NUP88: variants seen among roughly 807,000 people sequenced by gnomAD.
The protein encoded by NUP88 is nucleoporin 88.
Under a neutral mutation model 93.9 loss-of-function variants are expected in NUP88, and 57 were observed. The ratio of observed to expected loss-of-function variants is 0.61; its 90% confidence interval spans 0.49 to 0.76. NUP88 has a LOEUF of 0.76. NUP88 is among the 30% of genes least tolerant of loss of function. The pLI, the probability that NUP88 is intolerant of heterozygous loss-of-function variation, is 0.00. For missense variants in NUP88, 911 were observed against 901.0 expected, an observed-to-expected ratio of 1.01 and a Z score of -0.14; for synonymous variants, 346 against 336.8, an observed-to-expected ratio of 1.03 and a Z score of -0.30.
At chr17:5,418,334 A>C (rs1023694436) in intron 1 of NUP88, 1 of 149,954 alleles carries the variant, frequency 6.7e-6, no homozygotes, top group African/African-American at 2.5e-5. Flanking sequence ...GCTCACTGCA[A>C]CCTCCTCCTC....
At chr17:5,415,760 G>A (rs916450456) in intron 2 of NUP88, among the ~76,000 whole-genome samples, 1 of 151,982 alleles carries the variant, frequency 6.6e-6, no homozygotes, top group Non-Finnish European at 1.5e-5. Context: ...TGGGTTTATC[G>A]GGACATAACC....
At chr17:5,414,236 C>T in intron 2 of NUP88, 102 bp from the exon 3 acceptor site, 1 of 1,042,808 alleles carries the variant, frequency 9.6e-7, no homozygotes, top group Non-Finnish European at 1.4e-6. Context: ...TCTCTTGTTG[C>T]CCAGGCTGGA....
At chr17:5,390,038 G>A (rs532240451) in intron 10 of NUP88, among the ~76,000 whole-genome samples, 2 of 150,598 alleles carry the variant, frequency 1.3e-5, no homozygotes, top group South Asian at 2.1e-4. Context: ...TGTGGTGTGC[G>A]CCTGTAATCC....
chr17:5,389,089 A>C (rs1302049212), intron 10 of NUP88, 129 bp from the exon 11 acceptor site: 1 of 675,382 alleles, frequency 1.5e-6, no homozygotes, highest in Non-Finnish European at 2.3e-6. Context: ...AAGTGCAAGA[A>C]TGCATGTTTT....
intron 7 of NUP88, among the ~76,000 whole-genome samples, chr17:5,401,506 C>T (rs1394804224): frequency 6.6e-6 from 1 of 152,156 alleles, no homozygotes; most frequent in African/African-American, 2.4e-5. Flanking sequence ...TTCCTTTAAT[C>T]TAACAGTCTC....
At position 5,414,142 on chromosome 17, in the gene NUP88, A is replaced by G; in HGVS notation, c.468-8T>C. ...TCCGCAACTGGAGTGGTACTAAAAT[A>G]AAGATAATAATTTTCCAAAACATTT... is the stretch of plus-strand genomic sequence containing the variant. On this transcript the variant is annotated splice_region_variant and splice_polypyrimidine_tract_variant and intron_variant, in intron 2 of 16. Transcript: ENST00000573584. 2 of 1,609,814 alleles carry G rather than the reference A, an allele frequency of 1.2e-6. No individual in the cohort carries two copies. Among genetic ancestry groups the G allele is most frequent in the Non-Finnish European group, 1.7e-6 (2 of 1,177,858 alleles).
chr17:5,416,554 CT>C lies in NUP88; in HGVS notation c.425del (p.Lys142ArgfsTer12). On this transcript the variant is annotated frameshift_variant, in exon 2 of 17. Coordinates refer to ENST00000573584, the MANE Select transcript of NUP88 (RefSeq NM_002532.6). LOFTEE classifies it high-confidence loss of function. ...ATTTTCCACCTTCAAATTCAGAATT[CT>C]TCCCCCATCTTTTAGGTAATTCTAA... The part of the protein sequence containing the change: ...MVLELPKRWG[K>X]NSEFEGGKST... 1 of 1,611,584 alleles carries C rather than the reference CT, an allele frequency of 6.2e-7. No individual in the cohort carries two copies. The highest frequency in any genetic ancestry group is 8.5e-7 in the Non-Finnish European group (1 of 1,179,076).
At chr17:5,408,943 A>G (rs1913660679) in intron 4 of NUP88, 34 bp from the exon 5 acceptor site, 3 of 1,487,402 alleles carry the variant, frequency 2.0e-6, no homozygotes, top group African/African-American at 2.9e-5. Flanking sequence ...CTTGTTAAAA[A>G]CAAAAACAAC....
chr17:5,412,577 T>A (rs1913899265), intron 3 of NUP88, among the ~76,000 whole-genome samples: 2 of 152,094 alleles, frequency 1.3e-5, no homozygotes, highest in Non-Finnish European at 2.9e-5. Context: ...CATAGAGAAC[T>A]GACAGGAGCC....
chr17:5,414,953 CCAGACT>C (rs1220608715), intron 2 of NUP88, among the ~76,000 whole-genome samples: 1 of 150,686 alleles, frequency 6.6e-6, no homozygotes, highest in Non-Finnish European at 1.5e-5. Context: ...GGCTACAGAG[CCAGACT>C]CTGTCTCAAA....
intron 5 of NUP88, among the ~76,000 whole-genome samples, chr17:5,406,257 T>G (rs975309175): frequency 6.6e-6 from 1 of 152,088 alleles, no homozygotes; most frequent in African/African-American, 2.4e-5. Flanking sequence ...GGGAAGGGGA[T>G]TGTTGAGCAT....
chr17:5,411,831 C>A (rs1005305804), intron 3 of NUP88, among the ~76,000 whole-genome samples: 8 of 152,144 alleles, frequency 5.3e-5, no homozygotes, highest in Admixed American at 3.3e-4. Flanking sequence ...TGGTTTCTTC[C>A]AATATCAATA....
At chr17:5,411,046 C>T (rs1429744077) in intron 3 of NUP88, among the ~76,000 whole-genome samples, 1 of 152,114 alleles carries the variant, frequency 6.6e-6, no homozygotes, top group Non-Finnish European at 1.5e-5. Flanking sequence ...AACATCGCAC[C>T]TCTGTCACTT....
At chr17:5,417,859 C>G (rs909250508) in intron 1 of NUP88, among the ~76,000 whole-genome samples, 3 of 149,776 alleles carry the variant, frequency 2.0e-5, no homozygotes, top group Non-Finnish European at 4.5e-5. Context: ...AAAACAAAAA[C>G]AGCCGGGCGC....
chr17:5,416,076 C>T (rs1447662821), intron 2 of NUP88, among the ~76,000 whole-genome samples: 2 of 104,918 alleles, frequency 1.9e-5, no homozygotes, highest in African/African-American at 3.5e-5. Context: ...ATCCAGGAGG[C>T]GGAGCTTGCA....
intron 10 of NUP88, among the ~76,000 whole-genome samples, 167 bp from the exon 11 acceptor site, chr17:5,389,127 C>T (rs561051163): frequency 1.3e-5 from 2 of 152,330 alleles, no homozygotes; most frequent in African/African-American, 4.8e-5. Flanking sequence ...CTTTGGGAAG[C>T]TACACCCTTA....
rs1265333268 is a variant in NUP88, at chr17:5,414,107, G to A, written c.495C>T (p.Phe165=). 2 of 1,613,624 alleles carry A rather than the reference G, an allele frequency of 1.2e-6. No homozygotes were observed. Among genetic ancestry groups the A allele is most frequent in the East Asian group, 2.2e-5 (1 of 44,874 alleles). The change falls in exon 3 of 17, where the codon TTC becomes TTT. Residue 165 remains phenylalanine (F), a synonymous_variant. Transcript: ENST00000573584. ...CSTTPVAERF[F]TSSTSLTLKH... is the part of the protein sequence containing the mutation. ...TTAGAGTCAGAGAGGTGGAACTGGTGAAAAATCTCTCCGCAACTGGAGTGG... is the reference window on the plus strand; with the variant it reads ...TTAGAGTCAGAGAGGTGGAACTGGTAAAAAATCTCTCCGCAACTGGAGTGG...
chr17:5,416,166 A>AATATATATATATATATATAT (rs1914129874), intron 2 of NUP88, among the ~76,000 whole-genome samples: 1 of 57,986 alleles, frequency 1.7e-5, no homozygotes, highest in Non-Finnish European at 3.2e-5. Flanking sequence ...AAAAAAAAAA[A>AATATATATATATATATATAT]GTATATATAT....
At chr17:5,395,136 G>T (rs564960543) in intron 8 of NUP88, among the ~76,000 whole-genome samples, 155 bp from the exon 9 acceptor site, 2 of 152,260 alleles carry the variant, frequency 1.3e-5, no homozygotes, top group Admixed American at 1.3e-4. Context: ...GCTTTCCCAG[G>T]GGGTCTAGAT....
Sources: allele counts gnomAD v4.1 joint callset (sites outside exome capture counted in the v4.1 genomes callset), GRCh38; gene constraint gnomAD v4.1.1; transcripts MANE v1.5; gene names NCBI Gene and HGNC (gene_info 2026-07-23, HGNC 2026-07-21).